The following MTRES1 variants were observed in gnomAD, a reference collection of about 807,000 sequenced individuals.
MTRES1 encodes the protein mitochondrial transcription rescue factor 1, also known as uncharacterized protein C6orf203.
Under a neutral mutation model 17.4 loss-of-function variants are expected in MTRES1, and 11 were observed. The observed-to-expected ratio is 0.63, with a 90% CI of 0.40 to 1.05. The LOEUF is 1.05. MTRES1 is among the 50% of genes least tolerant of loss of function. The pLI is 0.00. For missense variants in MTRES1, 268 were observed against 276.2 expected, an observed-to-expected ratio of 0.97 and a Z score of 0.21; for synonymous variants, 94 against 99.6, an observed-to-expected ratio of 0.94 and a Z score of 0.34.
At position 107,045,146 on chromosome 6, in the gene MTRES1, A is replaced by G. The variant is rs140007907; in HGVS notation, c.543+814A>G. On this transcript the variant is annotated intron_variant, in intron 3 of 3. Coordinates refer to ENST00000311381, the MANE Select transcript of MTRES1 (RefSeq NM_016487.5). ...GCTGCAGTGAGCCATAATCATGCCA[A>G]TGCACTCCAGTTTGGGTGACAGAGT... Among the ~76,000 whole-genome samples the G allele has an allele frequency of 1.4e-3, 213 of 150,496 alleles. 1 individual carries two copies. The highest frequency in any genetic ancestry group is 5.1e-3 in the African/African-American group (207 of 40,950).
chr6:107,034,777 C>T (rs1036228479), intron 1 of MTRES1, among the ~76,000 whole-genome samples: 2 of 152,072 alleles, frequency 1.3e-5, no homozygotes, highest in Non-Finnish European at 2.9e-5. Context: ...CACCTGAGGT[C>T]GGGAGTTCAA....
At chr6:107,041,185 A>G (rs1403789050) in intron 2 of MTRES1, among the ~76,000 whole-genome samples, 2 of 149,022 alleles carry the variant, frequency 1.3e-5, no homozygotes, top group African/African-American at 2.5e-5. Context: ...AGATCACGCC[A>G]TTGCACTCCA....
At chr6:107,031,334 A>T (rs1323363299) in intron 1 of MTRES1, among the ~76,000 whole-genome samples, 6 of 146,388 alleles carry the variant, frequency 4.1e-5, no homozygotes, top group African/African-American at 1.5e-4. Context: ...GTGAGCCAAG[A>T]TCGCGCCACC....
intron 3 of MTRES1, among the ~76,000 whole-genome samples, chr6:107,047,282 G>A (rs567738739): frequency 2.6e-5 from 4 of 151,888 alleles, no homozygotes; most frequent in Non-Finnish European, 5.9e-5. Context: ...GAGTGCGGTG[G>A]TGCAGCCACA....
At chr6:107,043,845 G>A (rs530432278) in intron 2 of MTRES1, among the ~76,000 whole-genome samples, 1 of 152,254 alleles carries the variant, frequency 6.6e-6, no homozygotes, top group Non-Finnish European at 1.5e-5. Context: ...AAATAGATTT[G>A]AGGCCGGACG....
chr6:107,040,031 A>G lies in MTRES1; in HGVS notation c.271A>G (p.Thr91Ala), dbSNP rs781848813. The G allele has an allele frequency of 1.9e-6, 3 of 1,613,338 alleles. No homozygotes were observed. Among genetic ancestry groups the G allele is most frequent in the South Asian group, 1.1e-5 (1 of 90,942 alleles). Residue 91 changes from threonine to alanine, a missense_variant, in exon 2 of 4, where the codon ACA (threonine) becomes GCA (alanine). By Grantham distance (58) the Thr-to-Ala change is moderately conservative. Coordinates refer to ENST00000311381, the MANE Select transcript of MTRES1 (RefSeq NM_016487.5). ...AAGACTCAAAAGTAATATAAGGTCT[A>G]CAAAATCTACTAAAAAGTCTCTGCA... is the stretch of plus-strand genomic sequence containing the variant. ...SVRLKSNIRSTKSTKKSLQKV... is the reference protein window; with the variant it reads ...SVRLKSNIRSAKSTKKSLQKV...
At chr6:107,035,292 C>T (rs1773972248) in intron 1 of MTRES1, among the ~76,000 whole-genome samples, 1 of 152,060 alleles carries the variant, frequency 6.6e-6, no homozygotes, top group South Asian at 2.1e-4. Context: ...CACCACCATG[C>T]CCAGCTAATT....
intron 1 of MTRES1, among the ~76,000 whole-genome samples, chr6:107,038,157 C>T (rs894705104): frequency 1.2e-4 from 19 of 152,166 alleles, no homozygotes; most frequent in Admixed American, 1.0e-3. Context: ...GTCGTATGCT[C>T]ATCCATGCCA....
chr6:107,042,334 C>T (rs373850884), intron 2 of MTRES1, among the ~76,000 whole-genome samples: 3 of 55,538 alleles, frequency 5.4e-5, no homozygotes, highest in Admixed American at 2.9e-4. Flanking sequence ...AGTGGGACTC[C>T]GTCTCAAAAA....
chr6:107,030,841 G>A (rs1043478091), intron 1 of MTRES1, among the ~76,000 whole-genome samples: 10 of 152,178 alleles, frequency 6.6e-5, no homozygotes. Context: ...AGCAGTCTCA[G>A]GCCTGTTATG....
At position 107,044,216 on chromosome 6, in the gene MTRES1, C is replaced by T; in HGVS notation, c.471-44C>T. ...GATGAAGTCTGGGCTTGAGTGTACC[C>T]ATCACCCAAATTGTGTACATTGTTG... On this transcript the variant is annotated intron_variant, in intron 2 of 3. Coordinates refer to ENST00000311381, the MANE Select transcript of MTRES1 (RefSeq NM_016487.5). 3.5e-6 allele frequency: 5 copies of T among 1,424,774 alleles called. No homozygotes were observed. In the South Asian group the frequency reaches 4.6e-5, roughly 13 times the overall value. The allele number at this position is 1,424,774 out of a possible 1,614,324, so 88.3% of individuals were successfully genotyped here. A position where few individuals can be genotyped will look rare whatever the true frequency, so the allele number is the denominator to read the frequency against.
chr6:107,036,489 G>A (rs6920595), intron 1 of MTRES1, among the ~76,000 whole-genome samples: 39,023 of 151,796 alleles, frequency 0.26, 5,283 homozygotes, highest in Non-Finnish European at 0.31. Context: ...GCAGTGAGCC[G>A]AGATCGAGCC....
intron 3 of MTRES1, among the ~76,000 whole-genome samples, chr6:107,050,382 G>A (rs962258778): frequency 3.9e-5 from 6 of 152,062 alleles, no homozygotes; most frequent in Non-Finnish European, 1.5e-5. Flanking sequence ...TCTTTTGCCA[G>A]TGTTACCAAG....
In MTRES1 at chr6:107,039,840, G is replaced by T; in HGVS notation, c.80G>T (p.Arg27Leu). The T allele has an allele frequency of 1.2e-6, 2 of 1,614,072 alleles. No individual in the cohort carries two copies. Among genetic ancestry groups the T allele is most frequent in the Non-Finnish European group, 1.7e-6 (2 of 1,180,026 alleles). ...DAWIGLWGVL[R>L]GTPSSYKLCT... ...TGGATTGGACTCTGGGGTGTTCTCC[G>T]AGGGACACCTTCATCATACAAACTC... The change falls in exon 2 of 4, where the codon CGA becomes CTA. Residue 27 changes from arginine (R) to leucine (L), a missense_variant. Coordinates refer to ENST00000311381, the MANE Select transcript of MTRES1 (RefSeq NM_016487.5).
chr6:107,029,994 T>TC, intron 1 of MTRES1: 1 of 684,204 alleles, frequency 1.5e-6, no homozygotes, highest in African/African-American at 1.8e-5. Flanking sequence ...ACAGGGTGTT[T>TC]TTTTTTTTGT....
chr6:107,047,874 A>G (rs1366006611), intron 3 of MTRES1, among the ~76,000 whole-genome samples: 1 of 152,024 alleles, frequency 6.6e-6, no homozygotes, highest in East Asian at 2.0e-4. Flanking sequence ...CAGCAGAGCG[A>G]GACTCCATCT....
Position 107,034,919 on chromosome 6 carries a change from G to A in MTRES1, c.-12-4830G>A, listed in dbSNP as rs548254531. ...GGAGAATCACTTGAACCTGGAAGGC[G>A]GAGGTTGCAGTGAACCGAGATCACA... On this transcript the variant is annotated intron_variant, in intron 1 of 3. Transcript: ENST00000311381. 6.3e-4 allele frequency among the ~76,000 whole-genome samples: 95 copies of A among 150,710 alleles called. 1 individual carries two copies. The highest frequency in any genetic ancestry group is 5.3e-3 in the South Asian group (25 of 4,726).
At chr6:107,035,567 A>G (rs1313768301) in intron 1 of MTRES1, among the ~76,000 whole-genome samples, 1 of 152,140 alleles carries the variant, frequency 6.6e-6, no homozygotes, top group Non-Finnish European at 1.5e-5. Flanking sequence ...TTATGAGTTA[A>G]TTATTTTTCT....
At position 107,051,349 on chromosome 6, in the gene MTRES1, G is replaced by A. The variant is rs567743568; in HGVS notation, c.*113G>A. On this transcript the variant is annotated 3_prime_UTR_variant, in exon 4 of 4. Transcript: ENST00000311381. ...TCTCTTAGCGTTTGTGGAATCTGCC[G>A]AGCCATTTTGTGGAAATTGGGATCC... The A allele has an allele frequency of 1.6e-5, 16 of 990,876 alleles. No individual in the cohort carries two copies. Among genetic ancestry groups the A allele is most frequent in the Admixed American group, 1.1e-4 (4 of 35,506 alleles). The allele number at this position is 990,876 out of a possible 1,614,324, so 61.4% of individuals were successfully genotyped here. A position where few individuals can be genotyped will look rare whatever the true frequency, so the allele number is the denominator to read the frequency against.
Sources: gnomAD v4.1 joint callset for allele counts (sites outside exome capture counted in the v4.1 genomes callset) on GRCh38, gnomAD v4.1.1 for gene constraint, MANE v1.5 for transcripts, NCBI Gene and HGNC (gene_info 2026-07-23, HGNC 2026-07-21) for gene names.